Variants in AMZ2 observed in about 807,000 individuals in gnomAD.
AMZ2 encodes the protein archaelysin family metallopeptidase 2.
AMZ2 carries 26 observed loss-of-function variants against 36.7 expected under a neutral mutation model. The observed-to-expected ratio is 0.71, with a 90% CI of 0.52 to 0.98. The LOEUF is 0.98. AMZ2 is among the 50% of genes least tolerant of loss of function. AMZ2 has a pLI of 0.00. For synonymous variants in AMZ2, 144 were observed against 149.1 expected (o/e 0.97, Z 0.25); for missense variants, 394 against 430.5 (o/e 0.92, Z 0.75).
intron 1 of AMZ2, among the ~76,000 whole-genome samples, chr17:68,213,121 TAAC>T (rs1355809913): frequency 2.0e-5 from 3 of 152,112 alleles, no homozygotes; most frequent in Non-Finnish European, 2.9e-5. Flanking sequence ...AGACAATACT[TAAC>T]AATAAAATTT....
intron 6 of AMZ2, 119 bp from the exon 7 acceptor site, chr17:68,256,695 A>T: frequency 1.0e-6 from 1 of 981,884 alleles, no homozygotes; most frequent in African/African-American, 1.7e-5. Flanking sequence ...CATCATTATC[A>T]AATGCAGCGT....
In AMZ2 at chr17:68,211,798, G is replaced by GTGTATATGTATATATGTATATGTATATA. The variant is rs1568340228; in HGVS notation, c.-67+5579_-67+5580insATGTATATATGTATATGTATATATGTAT. On this transcript the variant is annotated intron_variant, in intron 1 of 7. Transcript: ENST00000674770. ...TATGTATATATGTATATGTATATAT[G>GTGTATATGTATATATGTATATGTATATA]TGTATATGTATATATGTATGTGTAT... Among the ~76,000 whole-genome samples the GTGTATATGTATATATGTATATGTATATA allele has an allele frequency of 4.0e-4, 25 of 62,320 alleles. 2 individuals carry two copies. Among genetic ancestry groups the GTGTATATGTATATATGTATATGTATATA allele is most frequent in the African/African-American group, 1.8e-3 (25 of 13,602 alleles). The allele number at this position is 62,320 out of a possible 152,430, so 40.9% of individuals were successfully genotyped here.
intron 1 of AMZ2, among the ~76,000 whole-genome samples, chr17:68,211,679 C>CATATGTATATGTATATATATGTAT (rs1316866208): frequency 3.0e-4 from 40 of 131,810 alleles, no homozygotes; most frequent in African/African-American, 4.2e-4. Flanking sequence ...ATTGGGAAAA[C>CATATGTATATGTATATATATGTAT]ATATGTATAT....
Position 68,223,714 on chromosome 17 carries a change from GTTGT to G in AMZ2, c.-67+17491_-67+17494del, listed in dbSNP as rs113436551. On this transcript the variant is annotated intron_variant, in intron 1 of 7. Coordinates refer to the AMZ2 transcript ENST00000674770. Reference sequence around the variant, plus strand: ...GCCACCATGCCTGGCTAATTTTTTTGTTGTTTGTTTGTTTGTTTTGAGACGGAGT... The same window carrying G: ...GCCACCATGCCTGGCTAATTTTTTTGTTGTTTGTTTGTTTTGAGACGGAGT... 7.5e-5 allele frequency among the ~76,000 whole-genome samples: 11 copies of G among 146,308 alleles called. No individual in the cohort carries two copies. The South Asian group carries it at 1.3e-3, about 18-fold the overall frequency.
chr17:68,254,558 A>C lies in AMZ2; in HGVS notation c.741A>C (p.Arg247=). 6.2e-7 allele frequency: 1 copy of C among 1,610,862 alleles called. No individual in the cohort carries two copies. The highest frequency in any genetic ancestry group is 1.1e-5 in the South Asian group (1 of 90,582). ...IPEITSVLLL[R]SCKTLTHEIG... ...AAATAACTAGTGTTTTACTACTTCG[A>C]TCCTGTAAGGTAAGTTATTACAAAA... The change falls in exon 5 of 7, where the codon CGA becomes CGC. Residue 247 remains arginine, a synonymous_variant. Coordinates refer to ENST00000359904, the MANE Select transcript of AMZ2 (RefSeq NM_016627.5).
chr17:68,246,195 C>CAAAAAAAAAAAAAAAAAA (rs57477453), upstream of AMZ2, among the ~76,000 whole-genome samples: 41 of 83,806 alleles, frequency 4.9e-4, no homozygotes, highest in East Asian at 2.3e-3. Flanking sequence ...ACTAAAAATA[C>CAAAAAAAAAAAAAAAAAA]AAAAAAAAAA....
At chr17:68,228,869 T>G (rs1294783882) in intron 1 of AMZ2, among the ~76,000 whole-genome samples, 2 of 152,244 alleles carry the variant, frequency 1.3e-5, no homozygotes, top group African/African-American at 4.8e-5. Context: ...GCGGGATGCC[T>G]GCACTGCTGC....
In AMZ2 at chr17:68,242,196, C is replaced by T. The variant is rs111444196; in HGVS notation, c.-66-6444C>T. Among the ~76,000 whole-genome samples, 970 of 151,982 alleles carry T rather than the reference C, an allele frequency of 6.4e-3. 10 individuals carry two copies. The highest frequency in any genetic ancestry group is 0.021 in the African/African-American group (890 of 41,434). On this transcript the variant is annotated intron_variant, in intron 1 of 7. Transcript: ENST00000674770. Reference sequence around the variant, plus strand: ...ATTGAGGAGCAGCTGAAAGGGTAGGCGGAAAGACAGAGGCAGGGAACCACC... The same window carrying T: ...ATTGAGGAGCAGCTGAAAGGGTAGGTGGAAAGACAGAGGCAGGGAACCACC...
chr17:68,209,632 A>ATATATTGTATATATATTT, intron 1 of AMZ2, among the ~76,000 whole-genome samples: 1 of 90,700 alleles, frequency 1.1e-5, no homozygotes, highest in Non-Finnish European at 2.0e-5. Context: ...ATATATATAT[A>ATATATTGTATATATATTT]TTTTTTTTTT....
At chr17:68,221,207 G>GCA (rs1284093591) in intron 1 of AMZ2, among the ~76,000 whole-genome samples, 1 of 16,914 alleles carries the variant, frequency 5.9e-5, no homozygotes, top group African/African-American at 1.8e-4. Context: ...TCAGCCCTCA[G>GCA]CTCCCCCCCC....
intron 4 of AMZ2, 109 bp from the exon 5 acceptor site, chr17:68,254,295 T>G (rs2074723579): frequency 2.8e-6 from 3 of 1,063,324 alleles, no homozygotes; most frequent in Admixed American, 4.9e-5. Context: ...GTGGACACAG[T>G]GACACAGAGA....
chr17:68,234,283 T>TA (rs1188427424), intron 1 of AMZ2, among the ~76,000 whole-genome samples: 22 of 148,182 alleles, frequency 1.5e-4, no homozygotes, highest in African/African-American at 4.5e-4. Context: ...ACTCCATCTC[T>TA]AAAAAAAAAA....
At chr17:68,207,688 C>T (rs1189641099) in intron 1 of AMZ2, among the ~76,000 whole-genome samples, 4 of 152,216 alleles carry the variant, frequency 2.6e-5, no homozygotes, top group Admixed American at 6.5e-5. Context: ...GAGGTGACAC[C>T]GTGCTGGCAG....
At chr17:68,247,350 A>AGC (rs1360119489), upstream of AMZ2, 1 of 133,966 alleles carries the variant, frequency 7.5e-6, no homozygotes, top group African/African-American at 3.5e-5. Context: ...AAAAAAAAAA[A>AGC]AAAAAAAAAA....
chr17:68,253,891 T>C (rs1390388923), intron 4 of AMZ2, among the ~76,000 whole-genome samples: 2 of 152,074 alleles, frequency 1.3e-5, no homozygotes, highest in Non-Finnish European at 2.9e-5. Context: ...TAGCTGGGAT[T>C]ACAGGCACCT....
chr17:68,243,311 T>C (rs782492988), upstream of AMZ2, among the ~76,000 whole-genome samples: 5 of 152,074 alleles, frequency 3.3e-5, no homozygotes, highest in Non-Finnish European at 7.4e-5. Context: ...ATTGTTGTAT[T>C]TTTAGTAGAG....
intron 1 of AMZ2, among the ~76,000 whole-genome samples, chr17:68,222,193 G>T (rs568426510): frequency 6.6e-6 from 1 of 152,218 alleles, no homozygotes; most frequent in Non-Finnish European, 1.5e-5. Context: ...GAAATAGGAC[G>T]TCTAGGGGGA....
chr17:68,249,285 T>A (rs568215234), intron 1 of AMZ2: 6 of 252,422 alleles, frequency 2.4e-5, no homozygotes, highest in African/African-American at 1.3e-4. Flanking sequence ...CGATGAGTAT[T>A]TTTCATGTGG....
intron 1 of AMZ2, among the ~76,000 whole-genome samples, chr17:68,207,802 T>A (rs1375636825): frequency 6.6e-6 from 1 of 152,158 alleles, no homozygotes; most frequent in African/African-American, 2.4e-5. Context: ...GGGAGCCCCT[T>A]TCTGGGCTGG....
Sources: gnomAD v4.1 joint callset for allele counts (sites outside exome capture counted in the v4.1 genomes callset) on GRCh38, gnomAD v4.1.1 for gene constraint, MANE v1.5 for transcripts, NCBI Gene and HGNC (gene_info 2026-07-23, HGNC 2026-07-21) for gene names.